Variants in SPATA6L observed in about 807,000 individuals in gnomAD.
SPATA6L encodes the protein spermatogenesis associated 6 like, also known as spermatogenesis associated 6-like protein.
A neutral mutation model predicts 49.2 loss-of-function variants in SPATA6L; 68 were observed. The observed-to-expected ratio is 1.38, with a 90% confidence interval of 1.14 to 1.69. The LOEUF is 1.69. Among genes scored for constraint, SPATA6L ranks in the 40% most tolerant of loss-of-function variants. SPATA6L has a pLI of 0.00. For synonymous variants in SPATA6L, 198 were observed against 165.7 expected, an observed-to-expected ratio of 1.19 and a Z score of -1.50; for missense variants, 668 against 464.3, an observed-to-expected ratio of 1.44 and a Z score of -4.03.
In SPATA6L at chr9:4,659,409, G is replaced by A. The variant is rs1318095736; in HGVS notation, c.177+2490C>T. On this transcript the variant is annotated intron_variant, in intron 2 of 11. Transcript: ENST00000682582. Reference sequence around the variant, plus strand: ...AGACAAACAGAGAGCGAAATCATGAGTGAACTCCTATTCACAATTGCTTCA... The same window carrying A: ...AGACAAACAGAGAGCGAAATCATGAATGAACTCCTATTCACAATTGCTTCA... Among the ~76,000 whole-genome samples, 3 of 151,802 alleles carry A rather than the reference G, an allele frequency of 2.0e-5. No homozygotes were observed. In the East Asian group the frequency reaches 5.8e-4, roughly 29 times the overall value.
At position 4,598,773 on chromosome 9, in the gene SPATA6L, A is replaced by G. The variant is rs552304804; in HGVS notation, c.*2038T>C. 7.2e-5 allele frequency among the ~76,000 whole-genome samples: 11 copies of G among 152,206 alleles called. No individual in the cohort carries two copies. The highest frequency in any genetic ancestry group is 1.5e-4 in the Non-Finnish European group (10 of 68,042). On this transcript the variant is annotated 3_prime_UTR_variant, in exon 12 of 12. Coordinates refer to ENST00000682582, the MANE Select transcript of SPATA6L (RefSeq NM_001353486.2). ...TAGCGTAACCTTAATGTAACACAAT[A>G]TTTTCTTACTTTTGATGACTACTTA...
intron 2 of SPATA6L, among the ~76,000 whole-genome samples, chr9:4,661,400 A>C (rs192480265): frequency 1.3e-5 from 2 of 152,352 alleles, no homozygotes; most frequent in African/African-American, 2.4e-5. Context: ...AATGGAATCT[A>C]GCCTTTATCA....
At chr9:4,635,006 T>C (rs903209819) in intron 4 of SPATA6L, among the ~76,000 whole-genome samples, 10 of 152,208 alleles carry the variant, frequency 6.6e-5, no homozygotes, top group African/African-American at 2.4e-4. Flanking sequence ...AATCTTACTG[T>C]TAATCTGCAA....
intron 9 of SPATA6L, among the ~76,000 whole-genome samples, chr9:4,606,929 C>A (rs1253427161): frequency 1.4e-5 from 2 of 143,802 alleles, no homozygotes; most frequent in South Asian, 2.2e-4. Context: ...CTAGAATAAT[C>A]AATACAGAGA....
At chr9:4,632,034 C>CTTTTTTTT (rs905629115) in intron 4 of SPATA6L, among the ~76,000 whole-genome samples, 4 of 113,018 alleles carry the variant, frequency 3.5e-5, no homozygotes, top group African/African-American at 1.1e-4. Context: ...ACATCAGCTA[C>CTTTTTTTT]TTTTTTTTTT....
chr9:4,616,446 G>C (rs1828029918), intron 9 of SPATA6L, among the ~76,000 whole-genome samples: 1 of 152,142 alleles, frequency 6.6e-6, no homozygotes, highest in Admixed American at 6.5e-5. Flanking sequence ...TTTAAATCCA[G>C]GATGACCTCC....
chr9:4,648,687 G>C (rs301482), intron 3 of SPATA6L, among the ~76,000 whole-genome samples: 1 of 118,664 alleles, frequency 8.4e-6, no homozygotes, highest in South Asian at 3.0e-4. Flanking sequence ...GCGACAGAGC[G>C]AGACCCCGTC....
At chr9:4,637,510 A>G (rs1458205466) in intron 3 of SPATA6L, among the ~76,000 whole-genome samples, 1 of 152,154 alleles carries the variant, frequency 6.6e-6, no homozygotes, top group African/African-American at 2.4e-5. Flanking sequence ...ACATTATTCT[A>G]CTGCTGGCAG....
intron 3 of SPATA6L, among the ~76,000 whole-genome samples, chr9:4,653,828 T>C (rs1211722450): frequency 6.6e-6 from 1 of 152,176 alleles, no homozygotes; most frequent in African/African-American, 2.4e-5. Context: ...TCCCAGCTAC[T>C]TCAGAGGCTG....
intron 3 of SPATA6L, among the ~76,000 whole-genome samples, chr9:4,652,357 G>T (rs1837103826): frequency 6.6e-6 from 1 of 152,170 alleles, no homozygotes; most frequent in East Asian, 1.9e-4. Flanking sequence ...GGGAGGCAGA[G>T]ATCTAGGCAA....
intron 13 of SPATA6L, among the ~76,000 whole-genome samples, chr9:4,589,143 T>C (rs1821742638): frequency 6.6e-6 from 1 of 152,220 alleles, no homozygotes; most frequent in African/African-American, 2.4e-5. Context: ...GAAACCTTGG[T>C]TTCCTCTTCC....
chr9:4,644,677 TCTCTCTCTCACA>T (rs1400474265), intron 3 of SPATA6L, among the ~76,000 whole-genome samples: 5 of 132,798 alleles, frequency 3.8e-5, no homozygotes, highest in East Asian at 4.8e-4. Context: ...TCTCTCTCTC[TCTCTCTCTCACA>T]CACACACACA....
chr9:4,656,441 AAAGGAAGG>A (rs376151295), intron 2 of SPATA6L, among the ~76,000 whole-genome samples: 6,117 of 113,668 alleles, frequency 0.054, 207 homozygotes, highest in Admixed American at 0.11. Context: ...CCTGTGAAAG[AAAGGAAGG>A]AAGGAAGGAA....
chr9:4,632,624 C>G (rs2130539304), intron 4 of SPATA6L, among the ~76,000 whole-genome samples: 1 of 151,754 alleles, frequency 6.6e-6, no homozygotes, highest in African/African-American at 2.4e-5. Context: ...AAGTGTGTTA[C>G]TCTTTCATCT....
chr9:4,657,851 T>C (rs1405312424), intron 2 of SPATA6L, among the ~76,000 whole-genome samples: 1 of 152,246 alleles, frequency 6.6e-6, no homozygotes, highest in Non-Finnish European at 1.5e-5. Flanking sequence ...TGGTGGCATC[T>C]GTTTGGTAAA....
In SPATA6L at chr9:4,625,520, G is replaced by C. The variant is rs778127064; in HGVS notation, c.476C>G (p.Pro159Arg). The stretch of plus-strand genomic sequence containing the variant: ...CTTTATAGTATTTAAGGGAAATATT[G>C]GTTCATGTGATGTAGATAAAGGCCT... The part of the protein sequence containing the change: ...SRRPLSTSHE[P>R]IFPLNTIKMK... The change falls in exon 6 of 12, where the codon CCA becomes CGA. Residue 159 changes from proline to arginine, a missense_variant. By Grantham distance (103) the Pro-to-Arg change is moderately radical. Coordinates refer to ENST00000682582, the MANE Select transcript of SPATA6L (RefSeq NM_001353486.2). 6.2e-7 allele frequency: 1 copy of C among 1,612,440 alleles called. No homozygotes were observed. The highest frequency in any genetic ancestry group is 8.5e-7 in the Non-Finnish European group (1 of 1,179,208).
intron 3 of SPATA6L, among the ~76,000 whole-genome samples, chr9:4,652,086 A>T (rs1324246237): frequency 6.6e-6 from 1 of 152,202 alleles, no homozygotes; most frequent in Admixed American, 6.5e-5. Flanking sequence ...AAACTAATAA[A>T]CAAGTTCAGT....
At chr9:4,605,313 T>C in intron 10 of SPATA6L, 34 bp downstream of exon 10, 1 of 1,524,192 alleles carries the variant, frequency 6.6e-7, no homozygotes, top group Non-Finnish European at 9.1e-7. Flanking sequence ...TATTATTTAG[T>C]GAGCAAAGAT....
chr9:4,616,380 C>T (rs1212005617), intron 9 of SPATA6L, among the ~76,000 whole-genome samples: 1 of 152,174 alleles, frequency 6.6e-6, no homozygotes, highest in Non-Finnish European at 1.5e-5. Context: ...GTCTCCTGAC[C>T]ACTGTTAATT....
Sources: allele counts gnomAD v4.1 joint callset (sites outside exome capture counted in the v4.1 genomes callset), GRCh38; gene constraint gnomAD v4.1.1; transcripts MANE v1.5; gene names NCBI Gene and HGNC (gene_info 2026-07-23, HGNC 2026-07-21).